Variants in GLIS2 observed in about 807,000 individuals in gnomAD.
GLIS2 encodes zinc finger protein GLIS2.
GLIS2 carries 14 observed loss-of-function variants against 35.6 expected under a neutral mutation model. The ratio of observed to expected loss-of-function variants is 0.39; its 90% CI spans 0.26 to 0.61. The LOEUF (loss-of-function observed/expected upper bound fraction) is 0.61. GLIS2 is among the 20% of genes least tolerant of loss of function. The pLI is 0.48. For synonymous variants in GLIS2, 368 were observed against 325.1 expected (o/e 1.13, Z -1.42); for missense variants, 675 against 713.4 (o/e 0.95, Z 0.61).
Position 4,332,364 on chromosome 16 carries a change from G to A in GLIS2, c.84G>A (p.Leu28=). 1 of 1,613,104 alleles carries A rather than the reference G, an allele frequency of 6.2e-7. No homozygotes were observed. The highest frequency in any genetic ancestry group is 8.5e-7 in the Non-Finnish European group (1 of 1,180,020). The part of the protein sequence containing the change: ...RAAREKRERT[L]GVVRPRALHR... Reference sequence around the variant, plus strand: ...CAAGAGAGAAGCGGGAGAGGACGCTGGGTGTGGTCCGGCCCCGTGCTCTGC... The same window carrying A: ...CAAGAGAGAAGCGGGAGAGGACGCTAGGTGTGGTCCGGCCCCGTGCTCTGC... Residue 28 remains leucine (L), a synonymous_variant, in exon 2 of 7, where the codon CTG becomes CTA. Transcript: ENST00000433375. This position sits in a 1 kb window ranked among gnomAD's most constrained non-coding sequence, Gnocchi z 5.4.
Position 4,337,495 on chromosome 16 carries a change from G to T in GLIS2, c.1546G>T (p.Val516Leu). The T allele has an allele frequency of 6.4e-7, 1 of 1,565,978 alleles. No individual in the cohort carries two copies. The change falls in exon 7 of 7, where the codon GTG becomes TTG. Residue 516 changes from valine (V) to leucine (L), a missense_variant. This residue lies in a region of GLIS2 where 317 missense variants were observed against 283.2 expected (regional missense o/e 1.12). Transcript: ENST00000433375. ...PGWVVIPPGS[V>L]LLKPAVVN ...CTGGGTGGTCATCCCGCCGGGCTCG[G>T]TGCTGCTCAAACCGGCTGTGGTGAA...
intron 1 of GLIS2, among the ~76,000 whole-genome samples, chr16:4,322,430 T>C (rs2053387915): frequency 6.6e-6 from 1 of 152,068 alleles, no homozygotes; most frequent in Admixed American, 6.5e-5. Context: ...TTGCTGGCTG[T>C]GACAGTGGCA....
intron 1 of GLIS2, among the ~76,000 whole-genome samples, chr16:4,319,286 G>A (rs1313456074): frequency 6.6e-6 from 1 of 152,178 alleles, no homozygotes; most frequent in Non-Finnish European, 1.5e-5. Context: ...CCCTCACCCA[G>A]ATAAATGCCC....
intron 1 of GLIS2, among the ~76,000 whole-genome samples, chr16:4,319,816 G>A (rs375739808): frequency 4.6e-5 from 7 of 152,272 alleles, no homozygotes; most frequent in East Asian, 3.9e-4. Flanking sequence ...TCCTGGCTCC[G>A]GCTTAGCCCC....
upstream of GLIS2, chr16:4,314,799 C>A (rs1304823524): frequency 6.6e-6 from 1 of 152,270 alleles, no homozygotes; most frequent in Non-Finnish European, 1.5e-5. Flanking sequence ...TCTGGGATGC[C>A]TTTTTCGTCT....
intron 1 of GLIS2, among the ~76,000 whole-genome samples, chr16:4,323,460 C>CG (rs557237259): frequency 2.7e-4 from 41 of 152,202 alleles, no homozygotes; most frequent in Non-Finnish European, 4.6e-4. Context: ...GGGCAGGCAG[C>CG]GGGGGGGTGG....
In GLIS2 at chr16:4,337,774, A is replaced by G. The variant is rs2053573932; in HGVS notation, c.*250A>G. 1 of 601,442 alleles carries G rather than the reference A, an allele frequency of 1.7e-6. No homozygotes were observed. Among genetic ancestry groups the G allele is most frequent in the African/African-American group, 1.9e-5 (1 of 54,022 alleles). 37.3% of individuals were successfully genotyped at this position (601,442 alleles called of 1,614,324 possible). A position where few individuals can be genotyped will look rare whatever the true frequency, so the allele number is the denominator to read the frequency against. ...GCCTCGCTCCTGTCTGTCCCCCACC[A>G]CCTGGCCCTCAGCTTCTGAGAGGCT... is the stretch of plus-strand genomic sequence containing the variant. On this transcript the variant is annotated 3_prime_UTR_variant, in exon 7 of 7. Transcript: ENST00000433375.
chr16:4,334,869 CG>C lies in GLIS2; in HGVS notation c.421del (p.Ala141ProfsTer110). ...SFQFFLPLGS[G>X]GALHLPASSF... is the part of the protein sequence containing the mutation. ...TCCAGTTCTTCCTGCCCCTCGGCTC[CG>C]GGGGGGCCCTGCACCTGCCTGCCTC... is the stretch of plus-strand genomic sequence containing the variant. On this transcript the variant is annotated frameshift_variant, in exon 4 of 7. Coordinates refer to ENST00000433375, the MANE Select transcript of GLIS2 (RefSeq NM_032575.3). LOFTEE classifies it high-confidence loss of function. 6.2e-7 allele frequency: 1 copy of C among 1,613,038 alleles called. No individual in the cohort carries two copies.
Position 4,335,499 on chromosome 16 carries a change from C to G in GLIS2, c.775+106C>G, listed in dbSNP as rs1441943491. The G allele has an allele frequency of 4.9e-6, 5 of 1,014,344 alleles. No individual in the cohort carries two copies. Among genetic ancestry groups the G allele is most frequent in the Non-Finnish European group, 7.6e-6 (5 of 654,802 alleles). The allele number at this position is 1,014,344 out of a possible 1,614,324, so 62.8% of individuals were successfully genotyped here. A position where few individuals can be genotyped will look rare whatever the true frequency, so the allele number is the denominator to read the frequency against. ...GGACTGTTAAGTAAATCCCGGGCCT[C>G]AGAGATAAGGGTTGATGTCATCGCC... On this transcript the variant is annotated intron_variant, in intron 6 of 6. Coordinates refer to ENST00000433375, the MANE Select transcript of GLIS2 (RefSeq NM_032575.3). The surrounding 1 kb of genome is among the most constrained non-coding windows in gnomAD (Gnocchi z 4.6).
chr16:4,316,488 C>T (rs908134274), intron 1 of GLIS2, among the ~76,000 whole-genome samples: 1 of 151,922 alleles, frequency 6.6e-6, no homozygotes, highest in African/African-American at 2.4e-5. Context: ...TCTTTCTTCT[C>T]CCTCCTTCCT....
intron 1 of GLIS2, among the ~76,000 whole-genome samples, chr16:4,318,321 G>T (rs1329086961): frequency 6.6e-6 from 1 of 152,140 alleles, no homozygotes; most frequent in African/African-American, 2.4e-5. Flanking sequence ...GTCAGACCAG[G>T]TGAGCTCCCA....
In GLIS2 at chr16:4,332,550, C is replaced by G. The variant is rs2053509550; in HGVS notation, c.172+98C>G. 9.3e-6 allele frequency: 13 copies of G among 1,403,630 alleles called. No homozygotes were observed. The highest frequency in any genetic ancestry group is 1.4e-5 in the African/African-American group (1 of 70,762). The allele number at this position is 1,403,630 out of a possible 1,614,324, so 86.9% of individuals were successfully genotyped here. On this transcript the variant is annotated intron_variant, in intron 2 of 6. Transcript: ENST00000433375. This position sits in a 1 kb window ranked among gnomAD's most constrained non-coding sequence, Gnocchi z 5.4. ...GTCCACCAGCATGTAGCTGCAGCCC[C>G]TCTCGGCTTCCGGTTCATGGGAAGC...
At chr16:4,327,706 G>C (rs2141126375) in intron 1 of GLIS2, among the ~76,000 whole-genome samples, 1 of 151,622 alleles carries the variant, frequency 6.6e-6, no homozygotes, top group Non-Finnish European at 1.5e-5. Flanking sequence ...CCCGCCCTGC[G>C]GTGGGTGGGA....
In GLIS2 at chr16:4,320,022, G is replaced by A. The variant is rs1416173422; in HGVS notation, c.-67+3768G>A. On this transcript the variant is annotated intron_variant, in intron 1 of 6. Transcript: ENST00000433375. This position sits in a 1 kb window ranked among gnomAD's most constrained non-coding sequence, Gnocchi z 5.6. ...AGCCCCTGCTGGGGGATGGGTGGGG[G>A]CTGAGACTCTTCCAGTTCGATGGCT... Among the ~76,000 whole-genome samples the A allele has an allele frequency of 1.3e-5, 2 of 150,898 alleles. No individual in the cohort carries two copies. The highest frequency in any genetic ancestry group is 2.4e-5 in the African/African-American group (1 of 41,014).
chr16:4,329,324 C>G (rs1332795241), intron 1 of GLIS2, among the ~76,000 whole-genome samples: 1 of 152,162 alleles, frequency 6.6e-6, no homozygotes, highest in Admixed American at 6.5e-5. Context: ...GGTCCCTACC[C>G]CACCGCATCT....
chr16:4,327,796 CA>C (rs1413627030), intron 1 of GLIS2, among the ~76,000 whole-genome samples: 1 of 151,556 alleles, frequency 6.6e-6, no homozygotes, highest in Non-Finnish European at 1.5e-5. Context: ...TCCCTCGCCG[CA>C]GCCGCTTCCT....
chr16:4,327,841 A>G (rs969429985), intron 1 of GLIS2, among the ~76,000 whole-genome samples: 3 of 150,028 alleles, frequency 2.0e-5, no homozygotes, highest in Admixed American at 1.3e-4. Context: ...TTCCTTTTGC[A>G]GCTGGAGGAG....
chr16:4,337,032 C>A lies in GLIS2; in HGVS notation c.1083C>A (p.Leu361=), dbSNP rs770840077. 3 of 1,594,884 alleles carry A rather than the reference C, an allele frequency of 1.9e-6. No homozygotes were observed. Among genetic ancestry groups the A allele is most frequent in the Non-Finnish European group, 2.6e-6 (3 of 1,174,854 alleles). ...TCATCATCCCCAACCCAGCTGCCCT[C>A]TTTGGAGGCCCTGGCCTGCCCGGCT... is the stretch of plus-strand genomic sequence containing the variant. ...AQIIIPNPAA[L]FGGPGLPGLP... The change falls in exon 7 of 7, where the codon CTC becomes CTA. Residue 361 remains leucine, a synonymous_variant. Transcript: ENST00000433375.
At chr16:4,326,627 G>A (rs1225045984) in intron 1 of GLIS2, 1 of 152,224 alleles carries the variant, frequency 6.6e-6, no homozygotes, top group East Asian at 1.9e-4. Flanking sequence ...GTTGTTTTTT[G>A]AGACAGGCCG....
Sources: allele counts gnomAD v4.1 joint callset (sites outside exome capture counted in the v4.1 genomes callset), GRCh38; gene constraint gnomAD v4.1.1; regional missense constraint gnomAD v4.1.1; non-coding constraint Gnocchi (gnomAD v3.1); transcripts MANE v1.5; gene names NCBI Gene and HGNC (gene_info 2026-07-23, HGNC 2026-07-21).